Variants in LUZP2 observed in about 807,000 individuals in gnomAD.
LUZP2 encodes the protein leucine zipper protein 2.
Under a neutral mutation model 51.6 loss-of-function variants are expected in LUZP2, and 52 were observed. The observed-to-expected ratio is 1.01, with a 90% CI of 0.81 to 1.27. The LOEUF (loss-of-function observed/expected upper bound fraction) is 1.27. LUZP2 is among the 50% of genes most tolerant of loss of function. The probability of loss-of-function intolerance (pLI) is 0.00; values close to 1 mark genes in which losing one functional copy is unlikely to be tolerated. For synonymous variants in LUZP2, 154 were observed against 137.3 expected, an observed-to-expected ratio of 1.12 and a Z score of -0.85; for missense variants, 436 against 395.4, an observed-to-expected ratio of 1.10 and a Z score of -0.87.
intron 7 of LUZP2, among the ~76,000 whole-genome samples, chr11:24,918,800 C>A (rs941027306): frequency 6.9e-6 from 1 of 144,782 alleles, no homozygotes; most frequent in South Asian, 2.2e-4. Flanking sequence ...ATTATATCTG[C>A]CTGGTCATTG....
chr11:24,744,700 A>T (rs745630583), intron 4 of LUZP2, among the ~76,000 whole-genome samples: 4 of 151,736 alleles, frequency 2.6e-5, no homozygotes, highest in Non-Finnish European at 5.9e-5. Context: ...TTTTGTTTCA[A>T]TTTCACTTAG....
intron 1 of LUZP2, among the ~76,000 whole-genome samples, chr11:24,575,379 T>C (rs933487186): frequency 2.6e-5 from 4 of 152,178 alleles, no homozygotes; most frequent in African/African-American, 9.6e-5. Flanking sequence ...AGAACATTAT[T>C]TGATCTGCAT....
At chr11:24,967,663 T>G (rs1296634160) in intron 7 of LUZP2, among the ~76,000 whole-genome samples, 2 of 152,056 alleles carry the variant, frequency 1.3e-5, no homozygotes, top group East Asian at 3.9e-4. Context: ...TCTTCATTTT[T>G]TTAATGTGCA....
chr11:24,702,889 A>G (rs895708649), intron 1 of LUZP2, among the ~76,000 whole-genome samples: 3 of 152,186 alleles, frequency 2.0e-5, no homozygotes, highest in Admixed American at 1.3e-4. Context: ...ATGCCTGTTC[A>G]GCTAGATGGA....
chr11:24,537,983 C>T (rs1188295945), intron 1 of LUZP2, among the ~76,000 whole-genome samples: 1 of 150,188 alleles, frequency 6.7e-6, no homozygotes, highest in Non-Finnish European at 1.5e-5. Context: ...AGACTAATTA[C>T]TTATAATCAA....
intron 1 of LUZP2, among the ~76,000 whole-genome samples, chr11:24,562,620 G>A (rs528458778): frequency 6.6e-6 from 1 of 151,712 alleles, no homozygotes; most frequent in African/African-American, 2.4e-5. Flanking sequence ...TTGGGAGGCT[G>A]AGGCGAGCAG....
intron 1 of LUZP2, among the ~76,000 whole-genome samples, chr11:24,706,587 A>G (rs919267067): frequency 6.6e-6 from 1 of 152,078 alleles, no homozygotes; most frequent in Non-Finnish European, 1.5e-5. Flanking sequence ...ATTAAAGTGC[A>G]GCCTAAACTA....
chr11:25,020,978 G>T (rs1857317077), intron 9 of LUZP2, among the ~76,000 whole-genome samples: 1 of 151,946 alleles, frequency 6.6e-6, no homozygotes, highest in Non-Finnish European at 1.5e-5. Context: ...CCTGGATTCT[G>T]GTGACATTAC....
intron 5 of LUZP2, among the ~76,000 whole-genome samples, chr11:24,774,362 C>CTCTCTCTATATATATA (rs776739280): frequency 2.0e-4 from 15 of 76,340 alleles, no homozygotes; most frequent in East Asian, 4.8e-4. Flanking sequence ...CTCTCTCTCT[C>CTCTCTCTATATATATA]TATATATATA....
intron 7 of LUZP2, among the ~76,000 whole-genome samples, chr11:24,917,512 T>A (rs192350100): frequency 6.6e-6 from 1 of 152,154 alleles, no homozygotes; most frequent in African/African-American, 2.4e-5. Flanking sequence ...AATTTTTGTA[T>A]AAGGTGTAAG....
rs148078395 is a variant in LUZP2 at position 24,897,085 on chromosome 11, C to G, written c.397-8906C>G. 5.8e-3 allele frequency among the ~76,000 whole-genome samples: 867 copies of G among 150,728 alleles called. 35 individuals are homozygous for G. Among genetic ancestry groups the G allele is most frequent in the Admixed American group, 0.054 (812 of 15,140 alleles). Reference sequence around the variant, plus strand: ...CAATCAGTGCTCTGTGTCTAGTTAACCTAGTGGGGACTTGGAGAACTTTTA... The same window carrying G: ...CAATCAGTGCTCTGTGTCTAGTTAAGCTAGTGGGGACTTGGAGAACTTTTA... On this transcript the variant is annotated intron_variant, in intron 5 of 11. Coordinates refer to ENST00000336930, the MANE Select transcript of LUZP2 (RefSeq NM_001009909.4).
intron 10 of LUZP2, among the ~76,000 whole-genome samples, chr11:25,056,575 A>G (rs755073376): frequency 1.6e-4 from 25 of 152,254 alleles, no homozygotes; most frequent in Non-Finnish European, 3.1e-4. Context: ...GTTTCCTAAC[A>G]TTGTCGCTCT....
At chr11:24,602,319 TACAC>T (rs1491268887) in intron 1 of LUZP2, among the ~76,000 whole-genome samples, 1 of 137,936 alleles carries the variant, frequency 7.2e-6, no homozygotes, top group East Asian at 2.0e-4. Context: ...CACACATATA[TACAC>T]ACACATATAT....
chr11:24,785,794 C>A, intron 5 of LUZP2: 1 of 860,552 alleles, frequency 1.2e-6, no homozygotes. Flanking sequence ...CAGCATTTAG[C>A]CCACACTTCT....
At position 24,597,358 on chromosome 11, in the gene LUZP2, C is replaced by T. The variant is rs963264544; in HGVS notation, c.62+100053C>T. On this transcript the variant is annotated intron_variant, in intron 1 of 11. Transcript: ENST00000336930. The stretch of plus-strand genomic sequence containing the variant: ...CTCTATTGATATACAGTAAGTCTTC[C>T]CTCAAAGTAGTTCCATATGGGATAA... Among the ~76,000 whole-genome samples the T allele has an allele frequency of 2.6e-5, 4 of 152,230 alleles. No individual in the cohort carries two copies. In the East Asian group the frequency reaches 7.7e-4, roughly 29 times the overall value.
At chr11:24,702,999 G>T (rs1293335985) in intron 1 of LUZP2, among the ~76,000 whole-genome samples, 1 of 152,148 alleles carries the variant, frequency 6.6e-6, no homozygotes, top group Admixed American at 6.5e-5. Context: ...CTAAAACATG[G>T]AATCTGTGTT....
intron 1 of LUZP2, among the ~76,000 whole-genome samples, chr11:24,670,452 C>A (rs572685449): frequency 6.6e-6 from 1 of 151,884 alleles, no homozygotes; most frequent in Non-Finnish European, 1.5e-5. Context: ...AACTTAGGCC[C>A]GGTTGACTTC....
chr11:24,892,919 A>G (rs1345533216), intron 5 of LUZP2: 1 of 152,228 alleles, frequency 6.6e-6, no homozygotes, highest in Non-Finnish European at 1.5e-5. Context: ...GAACAGAATG[A>G]TGTTTGTAAA....
At chr11:24,826,925 G>GC (rs61565557) in intron 5 of LUZP2, among the ~76,000 whole-genome samples, 112,893 of 151,770 alleles carry the variant, frequency 0.74, 42,873 homozygotes, top group Middle Eastern at 0.85. Flanking sequence ...TAAATGAGGA[G>GC]TTAATATGCA....
Sources: allele counts gnomAD v4.1 joint callset (sites outside exome capture counted in the v4.1 genomes callset), GRCh38; gene constraint gnomAD v4.1.1; transcripts MANE v1.5; gene names NCBI Gene and HGNC (gene_info 2026-07-23, HGNC 2026-07-21).